Variants in CDKL1 observed in about 807,000 individuals in gnomAD.
CDKL1 encodes the protein cyclin-dependent kinase-like 1.
A neutral mutation model predicts 42.0 loss-of-function variants in CDKL1; 41 were observed. The ratio of observed to expected loss-of-function variants is 0.98; its 90% CI spans 0.76 to 1.27. The LOEUF (loss-of-function observed/expected upper bound fraction) is 1.27. CDKL1 is among the 50% of genes most tolerant of loss of function. The pLI, the probability that CDKL1 is intolerant of heterozygous loss-of-function variation, is 0.00. For missense variants in CDKL1, 394 were observed against 428.4 expected (o/e 0.92, Z 0.71); for synonymous variants, 153 against 158.6 (o/e 0.96, Z 0.26).
chr14:50,372,413 C>T (rs77109945), intron 2 of CDKL1, among the ~76,000 whole-genome samples: 7 of 152,158 alleles, frequency 4.6e-5, no homozygotes, highest in Admixed American at 1.3e-4. Context: ...CCACCACACC[C>T]GGCCCGAGTT....
At chr14:50,340,354 A>G (rs1224884542) in intron 6 of CDKL1, among the ~76,000 whole-genome samples, 3 of 152,226 alleles carry the variant, frequency 2.0e-5, no homozygotes, top group African/African-American at 7.2e-5. Context: ...GGCAGTTCCT[A>G]CAAGAGTTTA....
Position 50,330,183 on chromosome 14 carries a change from T to C in CDKL1, c.967-2A>G. 6.2e-7 allele frequency: 1 copy of C among 1,600,060 alleles called. No homozygotes were observed. Among genetic ancestry groups the C allele is most frequent in the Non-Finnish European group, 8.5e-7 (1 of 1,177,256 alleles). On this transcript the variant is annotated splice_acceptor_variant, in intron 9 of 9. Coordinates refer to ENST00000395834, the MANE Select transcript of CDKL1 (RefSeq NM_004196.7). LOFTEE classifies it high-confidence loss of function. ...AGTTAGCTGGGGTAGGTACTGCAAC[T>C]AAAAATGCAAAACACAGAATTAGGT...
intron 6 of CDKL1, among the ~76,000 whole-genome samples, chr14:50,340,679 C>T (rs1188495788): frequency 6.6e-6 from 1 of 152,180 alleles, no homozygotes; most frequent in Non-Finnish European, 1.5e-5. Context: ...TGGATTACCC[C>T]ATCGTCATAA....
chr14:50,351,681 G>A (rs1465427862), intron 3 of CDKL1, among the ~76,000 whole-genome samples: 1 of 151,076 alleles, frequency 6.6e-6, no homozygotes, highest in Admixed American at 6.6e-5. Context: ...GTTGCAGTGA[G>A]CTATGATTGG....
intron 2 of CDKL1, among the ~76,000 whole-genome samples, chr14:50,385,396 G>A (rs746898239): frequency 5.9e-5 from 9 of 152,160 alleles, no homozygotes; most frequent in African/African-American, 9.7e-5. Flanking sequence ...AGTCTAAGTC[G>A]AGGCACATTC....
chr14:50,393,354 T>G (rs1156259545), intron 2 of CDKL1, among the ~76,000 whole-genome samples: 1 of 152,260 alleles, frequency 6.6e-6, no homozygotes, highest in African/African-American at 2.4e-5. Flanking sequence ...GGTGTACAAC[T>G]TTGCATAAAC....
At chr14:50,335,867 T>C in intron 7 of CDKL1, 1 of 1,269,794 alleles carries the variant, frequency 7.9e-7, no homozygotes, top group Non-Finnish European at 1.0e-6. Flanking sequence ...TACTAATCAT[T>C]GATAAGAGTA....
chr14:50,361,564 C>G (rs1273533943), intron 2 of CDKL1, among the ~76,000 whole-genome samples: 1 of 152,218 alleles, frequency 6.6e-6, no homozygotes, highest in African/African-American at 2.4e-5. Context: ...CACCTTGTTG[C>G]TGTGTCCTCA....
chr14:50,367,395 C>A (rs2034463488), intron 2 of CDKL1, among the ~76,000 whole-genome samples: 1 of 152,196 alleles, frequency 6.6e-6, no homozygotes, highest in South Asian at 2.1e-4. Context: ...CCACTGACCT[C>A]AGGGGTAGAA....
intron 3 of CDKL1, among the ~76,000 whole-genome samples, chr14:50,346,357 G>A (rs1268257629): frequency 2.6e-5 from 4 of 152,114 alleles, no homozygotes; most frequent in African/African-American, 9.7e-5. Context: ...TGTTTGAGCG[G>A]CATATAGGCA....
chr14:50,364,909 C>A (rs2034395078), intron 2 of CDKL1, among the ~76,000 whole-genome samples: 1 of 152,082 alleles, frequency 6.6e-6, no homozygotes, highest in Admixed American at 6.5e-5. Context: ...CAAGTACTGC[C>A]CCTACCGGCC....
rs1339597788 is a variant in CDKL1, at chr14:50,342,110, A to C, written c.454+22T>G. 3 of 1,601,408 alleles carry C rather than the reference A, an allele frequency of 1.9e-6. No individual in the cohort carries two copies. In the East Asian group the frequency reaches 6.7e-5, roughly 36 times the overall value. On this transcript the variant is annotated intron_variant, in intron 5 of 9. Coordinates refer to ENST00000395834, the MANE Select transcript of CDKL1 (RefSeq NM_004196.7). The stretch of plus-strand genomic sequence containing the variant: ...AACTTTTTCATTTTTTATACTTAAC[A>C]AAAGAAAATGTCAATACTCACTCAA...
chr14:50,341,367 C>G, intron 5 of CDKL1, 135 bp from the exon 6 acceptor site: 2 of 1,156,762 alleles, frequency 1.7e-6, no homozygotes, highest in South Asian at 2.0e-5. Context: ...TCTAGTTGCA[C>G]ATTCAAATCA....
chr14:50,367,309 T>G (rs1425831716), intron 2 of CDKL1, among the ~76,000 whole-genome samples: 2 of 152,178 alleles, frequency 1.3e-5, no homozygotes, highest in Admixed American at 1.3e-4. Flanking sequence ...ACGGTATCGG[T>G]GCAGTGGTGA....
intron 3 of CDKL1, chr14:50,358,215 AAC>A: frequency 8.7e-7 from 1 of 1,147,490 alleles, no homozygotes; most frequent in Non-Finnish European, 1.1e-6. Context: ...TTACAGCCAC[AAC>A]ACAATTGTTT....
Position 50,332,568 on chromosome 14 carries a change from T to G in CDKL1, c.796-136A>C, listed in dbSNP as rs1018984949. The G allele has an allele frequency of 3.4e-6, 5 of 1,481,444 alleles. No individual in the cohort carries two copies. The African/African-American group carries it at 7.0e-5, about 21-fold the overall frequency. 91.8% of individuals were successfully genotyped at this position (1,481,444 alleles called of 1,614,324 possible). On this transcript the variant is annotated intron_variant, in intron 8 of 9. Coordinates refer to ENST00000395834, the MANE Select transcript of CDKL1 (RefSeq NM_004196.7). Reference sequence around the variant, plus strand: ...AAAAGGCAGGAAAACACACCAGTCATGATTTTAGTTCCTTCCAGTCATTCC... The same window carrying G: ...AAAAGGCAGGAAAACACACCAGTCAGGATTTTAGTTCCTTCCAGTCATTCC...
At chr14:50,373,935 A>C (rs768022306) in intron 2 of CDKL1, among the ~76,000 whole-genome samples, 36 of 152,238 alleles carry the variant, frequency 2.4e-4, no homozygotes, top group Non-Finnish European at 1.6e-4. Flanking sequence ...GTATTTACCC[A>C]AATGGTTGAA....
intron 2 of CDKL1, among the ~76,000 whole-genome samples, chr14:50,376,052 C>T (rs577622137): frequency 3.9e-5 from 6 of 152,128 alleles, no homozygotes; most frequent in African/African-American, 1.4e-4. Context: ...TAAATGATTA[C>T]TAAATGTAAT....
At chr14:50,361,556 C>A (rs1233815383) in intron 2 of CDKL1, among the ~76,000 whole-genome samples, 1 of 152,212 alleles carries the variant, frequency 6.6e-6, no homozygotes, top group African/African-American at 2.4e-5. Flanking sequence ...CAAAATGGCA[C>A]CTTGTTGCTG....
Sources: allele counts gnomAD v4.1 joint callset (sites outside exome capture counted in the v4.1 genomes callset), GRCh38; gene constraint gnomAD v4.1.1; transcripts MANE v1.5; gene names NCBI Gene and HGNC (gene_info 2026-07-23, HGNC 2026-07-21).